Variants in HDAC9 observed in about 807,000 individuals in gnomAD.
The protein encoded by HDAC9 is histone deacetylase 9.
Under a neutral mutation model 139.4 loss-of-function variants are expected in HDAC9, and 41 were observed. That is an observed-to-expected ratio of 0.29 (90% CI 0.23 to 0.38). The LOEUF (loss-of-function observed/expected upper bound fraction) is 0.38. HDAC9 is among the 10% of genes least tolerant of loss of function. The pLI, the probability that HDAC9 is intolerant of heterozygous loss-of-function variation, is 1.00. For missense variants in HDAC9, 1,147 were observed against 1,297.0 expected (o/e 0.88, Z 1.78); for synonymous variants, 517 against 476.2 (o/e 1.09, Z -1.12).
At chr7:18,394,666 A>G (rs912123997) in intron 1 of HDAC9, among the ~76,000 whole-genome samples, 1 of 152,062 alleles carries the variant, frequency 6.6e-6, no homozygotes, top group Non-Finnish European at 1.5e-5. Flanking sequence ...TATCTTGAGG[A>G]TCAAGGGCTA....
intron 17 of HDAC9, among the ~76,000 whole-genome samples, chr7:18,826,105 G>A (rs1562967982): frequency 6.6e-6 from 1 of 152,138 alleles, no homozygotes; most frequent in African/African-American, 2.4e-5. Flanking sequence ...CTTCTCTAGT[G>A]TGACAGAGAA....
intron 1 of HDAC9, among the ~76,000 whole-genome samples, chr7:18,129,727 C>G (rs1217561849): frequency 1.3e-5 from 2 of 152,102 alleles, no homozygotes; most frequent in African/African-American, 4.8e-5. Flanking sequence ...GTTATTTTCC[C>G]CATTAACTGT....
chr7:18,172,075 G>C (rs1450962777), intron 2 of HDAC9, among the ~76,000 whole-genome samples: 1 of 152,108 alleles, frequency 6.6e-6, no homozygotes, highest in African/African-American at 2.4e-5. Flanking sequence ...GTCTGGTTCT[G>C]GACTTTTTTT....
Position 18,236,736 on chromosome 7 carries a change from T to A in HDAC9, c.25+74387T>A, listed in dbSNP as rs948517818. Among the ~76,000 whole-genome samples the A allele has an allele frequency of 2.0e-5, 3 of 152,224 alleles. No individual in the cohort carries two copies. The Middle Eastern group carries it at 0.01, about 518-fold the overall frequency. On this transcript the variant is annotated intron_variant, in intron 2 of 12. Coordinates refer to the HDAC9 transcript ENST00000417496. Reference sequence around the variant, plus strand: ...CACTTGGCCGAATTAAGACTCATGATGTACGGCTGTGGGGGTGGGGGCGAC... The same window carrying A: ...CACTTGGCCGAATTAAGACTCATGAAGTACGGCTGTGGGGGTGGGGGCGAC...
chr7:18,186,666 C>G (rs1214832727), intron 2 of HDAC9, among the ~76,000 whole-genome samples: 1 of 152,218 alleles, frequency 6.6e-6, no homozygotes, highest in African/African-American at 2.4e-5. Context: ...CTCTGCTCTT[C>G]ATGCCCTGAA....
Position 18,659,613 on chromosome 7 carries a change from C to T in HDAC9, c.1468-6600C>T, listed in dbSNP as rs79424118. ...CTTAGTGTTCGGCCCAATTGCTATA[C>T]AGTAGCACAGAGAATAGAGAGACAG... On this transcript the variant is annotated intron_variant, in intron 11 of 25. Transcript: ENST00000686413. 4.5e-3 allele frequency among the ~76,000 whole-genome samples: 683 copies of T among 152,178 alleles called. 3 individuals carry two copies. Among genetic ancestry groups the T allele is most frequent in the African/African-American group, 0.016 (656 of 41,530 alleles).
At position 18,722,296 on chromosome 7, in the gene HDAC9, A is replaced by C. The variant is rs542292906; in HGVS notation, c.1732-5284A>C. Among the ~76,000 whole-genome samples, 4 of 152,328 alleles carry C rather than the reference A, an allele frequency of 2.6e-5. No individual in the cohort carries two copies. In the South Asian group the frequency reaches 8.3e-4, roughly 32 times the overall value. On this transcript the variant is annotated intron_variant, in intron 12 of 25. Transcript: ENST00000686413. ...AATATGTAAAATAAATGTTAATAAA[A>C]AATGCTTTTGTGGAGAGCATGTTAA...
At chr7:18,896,483 GTAGCTTA>G (rs1361003648) in intron 22 of HDAC9, among the ~76,000 whole-genome samples, 1 of 152,058 alleles carries the variant, frequency 6.6e-6, no homozygotes, top group Non-Finnish European at 1.5e-5. Context: ...AGAGAATTCA[GTAGCTTA>G]GGGTCTATGG....
At chr7:18,516,686 C>T (rs1020625024) in intron 2 of HDAC9, among the ~76,000 whole-genome samples, 6 of 152,036 alleles carry the variant, frequency 3.9e-5, no homozygotes, top group African/African-American at 1.4e-4. Flanking sequence ...CATGGCCAAA[C>T]CCTGTCTCTA....
intron 2 of HDAC9, chr7:18,509,249 G>T: frequency 1.0e-6 from 1 of 984,886 alleles, no homozygotes. Context: ...AATAGAGCAG[G>T]AAGTGTTCTG....
At chr7:18,298,701 G>A (rs1210026148) in intron 1 of HDAC9, among the ~76,000 whole-genome samples, 1 of 152,106 alleles carries the variant, frequency 6.6e-6, no homozygotes, top group Non-Finnish European at 1.5e-5. Context: ...TGAATTGACT[G>A]TTCTTAAGTC....
intron 8 of HDAC9, among the ~76,000 whole-genome samples, chr7:18,637,868 A>C (rs1784385816): frequency 6.6e-6 from 1 of 152,074 alleles, no homozygotes; most frequent in South Asian, 2.1e-4. Context: ...ACTGTCAGCA[A>C]ATTAATATCC....
chr7:18,963,024 G>C (rs547670011), intron 24 of HDAC9, among the ~76,000 whole-genome samples: 1 of 150,174 alleles, frequency 6.7e-6, no homozygotes, highest in African/African-American at 2.4e-5. Flanking sequence ...TGAGAACAAT[G>C]TTCTACCAGA....
intron 12 of HDAC9, among the ~76,000 whole-genome samples, chr7:18,705,879 T>G (rs6967030): frequency 5.1e-5 from 6 of 117,982 alleles, no homozygotes; most frequent in Non-Finnish European, 6.7e-5. Flanking sequence ...TAAAATAAAA[T>G]AAAAGAAATG....
rs1786640650 is a variant in HDAC9 at position 18,999,429 on chromosome 7, G to A, written c.*3367G>A. ...AATGATCATTTGGAAAGTCTCCTGGGAAAAAATTCCTCTTCAATCAGCATT... is the reference window on the plus strand; with the variant it reads ...AATGATCATTTGGAAAGTCTCCTGGAAAAAAATTCCTCTTCAATCAGCATT... On this transcript the variant is annotated 3_prime_UTR_variant, in exon 26 of 26. Coordinates refer to ENST00000686413, the MANE Select transcript of HDAC9 (RefSeq NM_178425.4). 1 of 152,128 alleles carries A rather than the reference G, an allele frequency of 6.6e-6. No individual in the cohort carries two copies. The highest frequency in any genetic ancestry group is 1.5e-5 in the Non-Finnish European group (1 of 68,034). The allele number at this position is 152,128 out of a possible 1,614,324, so 9.4% of individuals were successfully genotyped here.
At chr7:18,989,787 G>C (rs533257936) in intron 25 of HDAC9, among the ~76,000 whole-genome samples, 1 of 86,866 alleles carries the variant, frequency 1.2e-5, no homozygotes, top group Non-Finnish European at 2.3e-5. Flanking sequence ...TTCCCTTCTC[G>C]CTTCATTTCA....
intron 2 of HDAC9, among the ~76,000 whole-genome samples, chr7:18,284,444 A>G (rs111853019): frequency 3.9e-5 from 6 of 152,190 alleles, no homozygotes; most frequent in East Asian, 3.9e-4. Context: ...CTTTTACCCA[A>G]TTTTCCATTA....
intron 2 of HDAC9, among the ~76,000 whole-genome samples, chr7:18,498,327 A>G (rs948015445): frequency 2.6e-5 from 4 of 152,004 alleles, no homozygotes; most frequent in Non-Finnish European, 5.9e-5. Flanking sequence ...AAAATATGAT[A>G]CCTAGATTCC....
rs181324864 is a variant in HDAC9, at chr7:18,312,489, A to G, written c.-42+21974A>G. ...CTTGTGCCTCCTTTTTCACTGCTAC[A>G]TAGTAGTTCATTGTGTGGGTTTTCC... is the stretch of plus-strand genomic sequence containing the variant. On this transcript the variant is annotated intron_variant, in intron 1 of 3. Transcript: ENST00000413509. Among the ~76,000 whole-genome samples the G allele has an allele frequency of 5.4e-3, 818 of 152,266 alleles. 4 individuals are homozygous for G. The highest frequency in any genetic ancestry group is 8.6e-3 in the Non-Finnish European group (585 of 68,022).
Sources: allele counts gnomAD v4.1 joint callset (sites outside exome capture counted in the v4.1 genomes callset), GRCh38; gene constraint gnomAD v4.1.1; transcripts MANE v1.5; gene names NCBI Gene and HGNC (gene_info 2026-07-23, HGNC 2026-07-21).